ADAMTS17: variants seen among roughly 807,000 people sequenced by gnomAD.
The protein encoded by ADAMTS17 is A disintegrin and metalloproteinase with thrombospondin motifs 17.
A neutral mutation model predicts 141.5 loss-of-function variants in ADAMTS17; 113 were observed. That is an observed-to-expected ratio of 0.80 (90% confidence interval 0.69 to 0.93). The LOEUF (loss-of-function observed/expected upper bound fraction) is 0.93. Ranked by LOEUF, ADAMTS17 falls within the 40% of genes least tolerant of loss-of-function variation. ADAMTS17 has a pLI of 0.00. For missense variants in ADAMTS17, 1,659 were observed against 1,517.9 expected, an observed-to-expected ratio of 1.09 and a Z score of -1.54; for synonymous variants, 768 against 630.6, an observed-to-expected ratio of 1.22 and a Z score of -3.27.
rs754795363 is a variant in ADAMTS17, at chr15:100,281,345, CG to C, written c.672del (p.Asn224LysfsTer35). On this transcript the variant is annotated frameshift_variant, in exon 4 of 22. Coordinates refer to ENST00000268070, the MANE Select transcript of ADAMTS17 (RefSeq NM_139057.4). LOFTEE classifies it high-confidence loss of function. ...RPSRDWRERR[N>X]AIRLTSEHTV... ...GTGTGCTCGCTGGTGAGCCGGATAG[CG>C]TTCCTCCGCTCCCGCCAGTCCCGCG... is the stretch of plus-strand genomic sequence containing the variant. 3 of 1,610,700 alleles carry C rather than the reference CG, an allele frequency of 1.9e-6. No homozygotes were observed. The highest frequency in any genetic ancestry group is 1.7e-6 in the Non-Finnish European group (2 of 1,179,822).
At chr15:100,218,066 T>G (rs2042023367) in intron 7 of ADAMTS17, among the ~76,000 whole-genome samples, 1 of 152,060 alleles carries the variant, frequency 6.6e-6, no homozygotes, top group African/African-American at 2.4e-5. Context: ...AGATACAGGG[T>G]TTCACCATGT....
At chr15:100,218,865 G>A (rs1011214294) in intron 7 of ADAMTS17, among the ~76,000 whole-genome samples, 32 of 149,622 alleles carry the variant, frequency 2.1e-4, no homozygotes, top group East Asian at 6.0e-4. Context: ...ACACGCACAC[G>A]TCCACCTGAA....
At chr15:100,254,048 G>C (rs2043244621) in intron 7 of ADAMTS17, 88 bp downstream of exon 7, 1 of 1,293,078 alleles carries the variant, frequency 7.7e-7, no homozygotes, top group African/African-American at 1.5e-5. Context: ...GCTTGTTTGA[G>C]GACAGCTCCT....
intron 6 of ADAMTS17, among the ~76,000 whole-genome samples, chr15:100,257,378 AAGG>A (rs2043362275): frequency 6.6e-6 from 1 of 152,202 alleles, no homozygotes; most frequent in Admixed American, 6.5e-5. Flanking sequence ...CCCGTCCTTC[AAGG>A]AGATCTTCAA....
intron 20 of ADAMTS17, among the ~76,000 whole-genome samples, chr15:99,981,926 T>C (rs1301403794): frequency 6.6e-6 from 1 of 152,202 alleles, no homozygotes; most frequent in Admixed American, 6.5e-5. Context: ...TAATATACTC[T>C]CCTAAAGCAG....
intron 4 of ADAMTS17, among the ~76,000 whole-genome samples, chr15:100,275,235 T>C (rs2044040584): frequency 6.6e-6 from 1 of 152,170 alleles, no homozygotes; most frequent in African/African-American, 2.4e-5. Flanking sequence ...AAAGTCAGTG[T>C]TGATGGCAAA....
intron 7 of ADAMTS17, among the ~76,000 whole-genome samples, chr15:100,251,946 G>C (rs2043169145): frequency 6.6e-6 from 1 of 152,180 alleles, no homozygotes; most frequent in African/African-American, 2.4e-5. Context: ...CTGGATCTAG[G>C]ACTTCCAGCC....
At chr15:99,998,659 TC>T (rs2060856869) in intron 18 of ADAMTS17, among the ~76,000 whole-genome samples, 1 of 152,180 alleles carries the variant, frequency 6.6e-6, no homozygotes, top group Non-Finnish European at 1.5e-5. Context: ...AGCCTGATGA[TC>T]CGATGCATTA....
chr15:100,088,337 G>A (rs1477215104), intron 15 of ADAMTS17, among the ~76,000 whole-genome samples: 3 of 152,178 alleles, frequency 2.0e-5, no homozygotes, highest in African/African-American at 7.2e-5. Context: ...TGAAATAAAA[G>A]AGGATACAAA....
chr15:99,973,170 TTC>T lies in ADAMTS17; in HGVS notation c.*1230_*1231del. 4.8e-5 allele frequency: 1 copy of T among 20,690 alleles called. No individual in the cohort carries two copies. Among genetic ancestry groups the T allele is most frequent in the Non-Finnish European group, 1.2e-4 (1 of 8,022 alleles). 1.3% of individuals were successfully genotyped at this position (20,690 alleles called of 1,614,324 possible). A position where few individuals can be genotyped will look rare whatever the true frequency, so the allele number is the denominator to read the frequency against. On this transcript the variant is annotated 3_prime_UTR_variant, in exon 22 of 22. Coordinates refer to ENST00000268070, the MANE Select transcript of ADAMTS17 (RefSeq NM_139057.4). ...AAGGGGGCTGCAGGGGGGAAGGACC[TTC>T]CTTCATCATGCATCATCCTTGCCCC... is the stretch of plus-strand genomic sequence containing the variant.
rs566319021 is a variant in ADAMTS17, at chr15:100,045,145, C to A, written c.2591+3712G>T. Among the ~76,000 whole-genome samples, 5 of 141,344 alleles carry A rather than the reference C, an allele frequency of 3.5e-5. No homozygotes were observed. The South Asian group carries it at 1.0e-3, about 29-fold the overall frequency. 92.7% of individuals were successfully genotyped at this position (141,344 alleles called of 152,430 possible). A position where few individuals can be genotyped will look rare whatever the true frequency, so the allele number is the denominator to read the frequency against. Reference sequence around the variant, plus strand: ...TTTTTTAGAAGCCACATTAAAATAACCTCAAATTTAATTTTAGTAATATAT... The same window carrying A: ...TTTTTTAGAAGCCACATTAAAATAAACTCAAATTTAATTTTAGTAATATAT... On this transcript the variant is annotated intron_variant, in intron 18 of 21. Coordinates refer to ENST00000268070, the MANE Select transcript of ADAMTS17 (RefSeq NM_139057.4).
At chr15:100,101,155 C>G (rs910774109) in intron 14 of ADAMTS17, among the ~76,000 whole-genome samples, 7 of 152,188 alleles carry the variant, frequency 4.6e-5, no homozygotes, top group South Asian at 2.1e-4. Flanking sequence ...TCTCTGCCCC[C>G]AACTCTCTGC....
intron 9 of ADAMTS17, among the ~76,000 whole-genome samples, chr15:100,154,361 C>G (rs775906039): frequency 8.5e-5 from 13 of 152,272 alleles, no homozygotes; most frequent in Non-Finnish European, 1.5e-4. Context: ...AACAATTTCC[C>G]CATGAACAAG....
At chr15:100,203,154 G>C in intron 7 of ADAMTS17, among the ~76,000 whole-genome samples, 1 of 152,180 alleles carries the variant, frequency 6.6e-6, no homozygotes, top group Non-Finnish European at 1.5e-5. Flanking sequence ...TGGGGAAACA[G>C]AGGCTCCACT....
At chr15:100,056,871 G>A (rs1383268541) in intron 15 of ADAMTS17, among the ~76,000 whole-genome samples, 1 of 152,132 alleles carries the variant, frequency 6.6e-6, no homozygotes, top group Non-Finnish European at 1.5e-5. Flanking sequence ...AAGGGAGAGA[G>A]AGAAAAGATG....
rs1206783293 is a variant in ADAMTS17 at position 99,974,395 on chromosome 15, C to G, written c.*7G>C. 6.2e-7 allele frequency: 1 copy of G among 1,614,110 alleles called. No homozygotes were observed. The highest frequency in any genetic ancestry group is 1.1e-5 in the South Asian group (1 of 91,082). Reference sequence around the variant, plus strand: ...TCTGAGCTTTGAGCGACCCTTGGGACTGCGTGTCACGAGTTCGGCGGTGGC... The same window carrying G: ...TCTGAGCTTTGAGCGACCCTTGGGAGTGCGTGTCACGAGTTCGGCGGTGGC... On this transcript the variant is annotated 3_prime_UTR_variant, in exon 22 of 22. Transcript: ENST00000268070.
chr15:100,134,058 T>C (rs2038197425), intron 10 of ADAMTS17, among the ~76,000 whole-genome samples: 1 of 152,086 alleles, frequency 6.6e-6, no homozygotes, highest in Admixed American at 6.5e-5. Flanking sequence ...AGGAGACAAT[T>C]TATCAAAATC....
chr15:100,278,795 A>T (rs1315851708), intron 4 of ADAMTS17, among the ~76,000 whole-genome samples: 1 of 152,206 alleles, frequency 6.6e-6, no homozygotes, highest in Non-Finnish European at 1.5e-5. Flanking sequence ...GGGGTCCTCA[A>T]CATTGATTTC....
rs186404446 is a variant in ADAMTS17, at chr15:100,320,830, C to T, written c.616+10059G>A. On this transcript the variant is annotated intron_variant, in intron 3 of 21. Coordinates refer to ENST00000268070, the MANE Select transcript of ADAMTS17 (RefSeq NM_139057.4). ...CATGGGAGACAGAGCAAGACTCTGT[C>T]TCAAAAGAAGAAAAAAAGAGTAAAG... Among the ~76,000 whole-genome samples, 21 of 151,882 alleles carry T rather than the reference C, an allele frequency of 1.4e-4. No homozygotes were observed. In the East Asian group the frequency reaches 4.1e-3, roughly 29 times the overall value.
Sources: gnomAD v4.1 joint callset for allele counts (sites outside exome capture counted in the v4.1 genomes callset) on GRCh38, gnomAD v4.1.1 for gene constraint, MANE v1.5 for transcripts, NCBI Gene and HGNC (gene_info 2026-07-23, HGNC 2026-07-21) for gene names.